GOSR1: variants seen among roughly 807,000 people sequenced by gnomAD.
GOSR1 encodes the protein 28 kDa Golgi SNARE protein.
In GOSR1, 21 loss-of-function variants were observed where a neutral mutation model predicts 35.5. That is an observed-to-expected ratio of 0.59 (90% CI 0.42 to 0.85). GOSR1 has a LOEUF of 0.85. Ranked by LOEUF, GOSR1 falls within the 40% of genes least tolerant of loss-of-function variation. The pLI, the probability that GOSR1 is intolerant of heterozygous loss-of-function variation, is 0.00. For synonymous variants in GOSR1, 94 were observed against 106.6 expected (o/e 0.88, Z 0.73); for missense variants, 285 against 309.6 (o/e 0.92, Z 0.60).
At chr17:30,494,457 A>C (rs571984201) in intron 6 of GOSR1, among the ~76,000 whole-genome samples, 3 of 152,274 alleles carry the variant, frequency 2.0e-5, no homozygotes, top group Non-Finnish European at 4.4e-5. Context: ...ATACATTCTC[A>C]TAGGGTTTTT....
chr17:30,500,306 T>G (rs141652200), intron 6 of GOSR1, among the ~76,000 whole-genome samples: 1 of 152,220 alleles, frequency 6.6e-6, no homozygotes, highest in African/African-American at 2.4e-5. Flanking sequence ...GTTTTAGCTT[T>G]TTTGTTTGTT....
Position 30,481,125 on chromosome 17 carries a change from G to A in GOSR1, c.32-18G>A. The stretch of plus-strand genomic sequence containing the variant: ...TACTTTTTATGTCTAATTATTTGTT[G>A]TTATAATTTTGTTAAAGATCTCAGG... On this transcript the variant is annotated intron_variant, in intron 1 of 8. Coordinates refer to ENST00000451249, the MANE Select transcript of GOSR1 (RefSeq NM_001007025.2). 1 of 1,528,190 alleles carries A rather than the reference G, an allele frequency of 6.5e-7. No homozygotes were observed. Among genetic ancestry groups the A allele is most frequent in the African/African-American group, 1.4e-5 (1 of 73,324 alleles). 94.7% of individuals were successfully genotyped at this position (1,528,190 alleles called of 1,614,324 possible). A position where few individuals can be genotyped will look rare whatever the true frequency, so the allele number is the denominator to read the frequency against.
At chr17:30,517,559 T>C (rs373078582) in intron 7 of GOSR1, among the ~76,000 whole-genome samples, 6 of 152,060 alleles carry the variant, frequency 3.9e-5, no homozygotes, top group Non-Finnish European at 7.4e-5. Context: ...TAATCTATTA[T>C]ACCATTCAAA....
At chr17:30,511,028 TTCGTTTATCC>T in intron 7 of GOSR1, 119 bp downstream of exon 7, 1 of 619,522 alleles carries the variant, frequency 1.6e-6, no homozygotes, top group Non-Finnish European at 2.9e-6. Flanking sequence ...CAGATCAAAG[TTCGTTTATCC>T]TCCTTAAAGA....
chr17:30,487,839 G>T (rs958911771), intron 4 of GOSR1, among the ~76,000 whole-genome samples: 1 of 151,906 alleles, frequency 6.6e-6, no homozygotes, highest in Non-Finnish European at 1.5e-5. Flanking sequence ...GCAATGGTGC[G>T]ATCTCGGCTC....
intron 7 of GOSR1, among the ~76,000 whole-genome samples, chr17:30,519,148 C>G (rs115879444): frequency 0.018 from 2,755 of 152,188 alleles, 85 homozygotes; most frequent in African/African-American, 0.063. Flanking sequence ...GTAGCCCCCC[C>G]CTCCTGGGCT....
At chr17:30,498,433 G>A (rs567254743) in intron 6 of GOSR1, among the ~76,000 whole-genome samples, 9 of 152,264 alleles carry the variant, frequency 5.9e-5, no homozygotes, top group African/African-American at 1.9e-4. Context: ...AAAGTAATAA[G>A]TGCTTTATTA....
At chr17:30,511,002 A>G (rs1351392701) in intron 7 of GOSR1, 93 bp downstream of exon 7, 4 of 754,672 alleles carry the variant, frequency 5.3e-6, no homozygotes, top group Non-Finnish European at 6.8e-6. Flanking sequence ...AATTAAAGAA[A>G]AAACATTTTA....
chr17:30,492,090 G>C (rs1402689017), intron 5 of GOSR1, among the ~76,000 whole-genome samples: 1 of 151,974 alleles, frequency 6.6e-6, no homozygotes, highest in African/African-American at 2.4e-5. Context: ...AAAAAAAATT[G>C]TTCCTGATAC....
intron 4 of GOSR1, among the ~76,000 whole-genome samples, chr17:30,489,193 G>A (rs759084368): frequency 6.6e-6 from 1 of 152,098 alleles, no homozygotes; most frequent in East Asian, 1.9e-4. Flanking sequence ...AGACCAGCCT[G>A]GCCAACATGG....
intron 6 of GOSR1, among the ~76,000 whole-genome samples, chr17:30,501,028 C>T (rs1353598626): frequency 1.1e-4 from 16 of 151,944 alleles, no homozygotes; most frequent in Admixed American, 1.0e-3. Flanking sequence ...CTACAGGCGC[C>T]TGCCACGACG....
At chr17:30,490,280 A>G (rs1914959001) in intron 5 of GOSR1, 63 bp downstream of exon 5, 1 of 796,304 alleles carries the variant, frequency 1.3e-6, no homozygotes, top group African/African-American at 1.7e-5. Flanking sequence ...GGATATGTTC[A>G]CGGTTAATTG....
intron 4 of GOSR1, among the ~76,000 whole-genome samples, chr17:30,485,708 T>C (rs1914638284): frequency 6.6e-6 from 1 of 152,200 alleles, no homozygotes; most frequent in Admixed American, 6.5e-5. Flanking sequence ...TATTTCTAAT[T>C]TTAAAAACTG....
At chr17:30,498,015 G>A (rs549125242) in intron 6 of GOSR1, among the ~76,000 whole-genome samples, 16 of 139,234 alleles carry the variant, frequency 1.1e-4, no homozygotes, top group Admixed American at 3.1e-4. Context: ...CTGAGATCGC[G>A]TTACTCCATG....
chr17:30,499,811 C>T (rs185290218), intron 6 of GOSR1, among the ~76,000 whole-genome samples: 1 of 152,266 alleles, frequency 6.6e-6, no homozygotes, highest in East Asian at 1.9e-4. Flanking sequence ...TGCCAACACG[C>T]CTTTCTATTG....
Position 30,494,452 on chromosome 17 carries a change from T to G in GOSR1, c.509+1699T>G, listed in dbSNP as rs77685131. On this transcript the variant is annotated intron_variant, in intron 6 of 8. Coordinates refer to ENST00000451249, the MANE Select transcript of GOSR1 (RefSeq NM_001007025.2). ...TGTTTTTTGCTGGACTGTTGATACA[T>G]TCTCATAGGGTTTTTAGTTGCTATT... Among the ~76,000 whole-genome samples the G allele has an allele frequency of 6.5e-3, 986 of 152,322 alleles. 11 individuals are homozygous for G. Among genetic ancestry groups the G allele is most frequent in the African/African-American group, 0.023 (954 of 41,564 alleles).
chr17:30,515,010 C>T (rs1237492445), intron 7 of GOSR1, among the ~76,000 whole-genome samples: 1 of 152,114 alleles, frequency 6.6e-6, no homozygotes, highest in East Asian at 1.9e-4. Flanking sequence ...CCTTTATTGC[C>T]CTGTTTGCTC....
intron 6 of GOSR1, among the ~76,000 whole-genome samples, chr17:30,500,881 CTTT>C (rs34673687): frequency 4.3e-5 from 6 of 139,484 alleles, no homozygotes; most frequent in Non-Finnish European, 3.1e-5. Context: ...ACAAAGAACT[CTTT>C]TTTTTTTTTT....
At chr17:30,489,515 C>T (rs1165278378) in intron 4 of GOSR1, among the ~76,000 whole-genome samples, 2 of 152,084 alleles carry the variant, frequency 1.3e-5, no homozygotes, top group African/African-American at 2.4e-5. Flanking sequence ...TAATATTCTC[C>T]TCCATGTTTA....
Sources: gnomAD v4.1 joint callset for allele counts (sites outside exome capture counted in the v4.1 genomes callset) on GRCh38, gnomAD v4.1.1 for gene constraint, MANE v1.5 for transcripts, NCBI Gene and HGNC (gene_info 2026-07-23, HGNC 2026-07-21) for gene names.